ASB7: variants seen among roughly 807,000 people sequenced by gnomAD.
ASB7 encodes the protein ankyrin repeat and SOCS box protein 7.
In ASB7, 4 loss-of-function variants were observed where a neutral mutation model predicts 32.5. The observed-to-expected ratio is 0.12, with a 90% CI of 0.06 to 0.28. ASB7 has a LOEUF of 0.28. Ranked by LOEUF, ASB7 falls within the 10% of genes least tolerant of loss-of-function variation. ASB7 has a pLI of 1.00. For missense variants in ASB7, 181 were observed against 407.1 expected, an observed-to-expected ratio of 0.44 and a Z score of 4.78; for synonymous variants, 172 against 155.6, an observed-to-expected ratio of 1.11 and a Z score of -0.78.
At chr15:100,646,480 C>T in intron 5 of ASB7, 1 of 464,330 alleles carries the variant, frequency 2.2e-6, no homozygotes, top group Non-Finnish European at 4.4e-6. Flanking sequence ...CAGAAACTGA[C>T]CCTTAATAAG....
chr15:100,637,197 C>T (rs958041803), intron 5 of ASB7, among the ~76,000 whole-genome samples: 7 of 152,196 alleles, frequency 4.6e-5, no homozygotes, highest in Admixed American at 1.3e-4. Context: ...TTGAGCTGAG[C>T]CGGCAGCTTT....
In ASB7 at chr15:100,650,581, C is replaced by T. The variant is rs991635641; in HGVS notation, c.*2119C>T. On this transcript the variant is annotated 3_prime_UTR_variant, in exon 6 of 6. Transcript: ENST00000332783. ...GTTTCAAAAGATTTTCTCTCCCCAGCCATTCAGAGGTTTCCAAACTAAGCC... is the reference window on the plus strand; with the variant it reads ...GTTTCAAAAGATTTTCTCTCCCCAGTCATTCAGAGGTTTCCAAACTAAGCC... 1 of 152,164 alleles carries T rather than the reference C, an allele frequency of 6.6e-6. No individual in the cohort carries two copies. Among genetic ancestry groups the T allele is most frequent in the African/African-American group, 2.4e-5 (1 of 41,436 alleles). The allele number at this position is 152,164 out of a possible 1,614,324, so 9.4% of individuals were successfully genotyped here.
rs116625597 is a variant in ASB7, at chr15:100,624,663, A to G, written c.212-4774A>G. 4.2e-3 allele frequency among the ~76,000 whole-genome samples: 636 copies of G among 152,320 alleles called. 2 individuals are homozygous for G. Among genetic ancestry groups the G allele is most frequent in the African/African-American group, 0.014 (573 of 41,576 alleles). ...TCATAACTAAAACTTTTCACTGAGAAGACTTTAGGTCCAGCTGGCTTCTCA... is the reference window on the plus strand; with the variant it reads ...TCATAACTAAAACTTTTCACTGAGAGGACTTTAGGTCCAGCTGGCTTCTCA... On this transcript the variant is annotated intron_variant, in intron 4 of 5. Coordinates refer to ENST00000332783, the MANE Select transcript of ASB7 (RefSeq NM_198243.3).
chr15:100,627,564 T>C (rs146429956), intron 4 of ASB7, among the ~76,000 whole-genome samples: 148 of 152,388 alleles, frequency 9.7e-4, no homozygotes, highest in African/African-American at 3.4e-3. Flanking sequence ...TGTTAATCTC[T>C]GTTTTTCCTT....
intron 4 of ASB7, among the ~76,000 whole-genome samples, chr15:100,616,057 A>G (rs2039740297): frequency 6.6e-6 from 1 of 152,230 alleles, no homozygotes; most frequent in Non-Finnish European, 1.5e-5. Flanking sequence ...AGAGATTGTC[A>G]TCATTTTATG....
intron 5 of ASB7, among the ~76,000 whole-genome samples, chr15:100,637,793 C>T (rs1363950310): frequency 3.9e-5 from 6 of 152,170 alleles, no homozygotes; most frequent in Non-Finnish European, 7.3e-5. Flanking sequence ...GCTGGATTTT[C>T]TTCAGGTGCT....
chr15:100,613,379 A>T (rs1007944180), intron 4 of ASB7, among the ~76,000 whole-genome samples: 1 of 152,262 alleles, frequency 6.6e-6, no homozygotes. Flanking sequence ...ACAAAGGCTA[A>T]CAGGATGGAC....
At chr15:100,635,638 C>T (rs1206236096) in intron 5 of ASB7, among the ~76,000 whole-genome samples, 1 of 152,246 alleles carries the variant, frequency 6.6e-6, no homozygotes, top group Non-Finnish European at 1.5e-5. Flanking sequence ...TCTCGGCTTT[C>T]ATCCTCTGTT....
Position 100,651,023 on chromosome 15 carries a change from A to G in ASB7, c.*2561A>G, listed in dbSNP as rs1369061196. 6.6e-6 allele frequency: 1 copy of G among 152,242 alleles called. No homozygotes were observed. The highest frequency in any genetic ancestry group is 1.5e-5 in the Non-Finnish European group (1 of 68,034). The allele number at this position is 152,242 out of a possible 1,614,324, so 9.4% of individuals were successfully genotyped here. ...TCCAGAAACAGAACAGAAAATGTTC[A>G]GAATATTTTCAAATTTGTCAGATTC... is the stretch of plus-strand genomic sequence containing the variant. On this transcript the variant is annotated 3_prime_UTR_variant, in exon 6 of 6. Transcript: ENST00000332783.
chr15:100,616,419 T>G (rs935609404), intron 4 of ASB7, among the ~76,000 whole-genome samples: 1 of 152,216 alleles, frequency 6.6e-6, no homozygotes, highest in African/African-American at 2.4e-5. Flanking sequence ...GTTTAGGAAG[T>G]ATACTGCAGG....
intron 5 of ASB7, among the ~76,000 whole-genome samples, chr15:100,643,109 G>A (rs559618492): frequency 7.2e-5 from 11 of 152,210 alleles, no homozygotes; most frequent in Admixed American, 3.3e-4. Context: ...GCAGTTGGCC[G>A]GGAGCTCAGC....
chr15:100,618,390 C>T (rs1044663535), intron 4 of ASB7, among the ~76,000 whole-genome samples: 2 of 152,268 alleles, frequency 1.3e-5, no homozygotes, highest in Non-Finnish European at 2.9e-5. Flanking sequence ...GCTGGAATTA[C>T]AGGCATGAGC....
intron 5 of ASB7, among the ~76,000 whole-genome samples, chr15:100,634,371 G>T (rs2039906912): frequency 6.6e-6 from 1 of 152,204 alleles, no homozygotes; most frequent in South Asian, 2.1e-4. Context: ...CTGCAATTTT[G>T]TTCAAAGAGA....
At chr15:100,640,732 TA>T (rs2039955409) in intron 5 of ASB7, among the ~76,000 whole-genome samples, 1 of 152,182 alleles carries the variant, frequency 6.6e-6, no homozygotes. Context: ...TTTAAACAAA[TA>T]AGTTGATCCT....
intron 5 of ASB7, among the ~76,000 whole-genome samples, chr15:100,642,126 TCTAGAGCATTTCAACATATTGA>T (rs1022406755): frequency 1.3e-5 from 2 of 152,204 alleles, no homozygotes; most frequent in African/African-American, 2.4e-5. Context: ...GAAAAATTAG[TCTAGAGCATTTCAACATATTGA>T]CTAGAGCATT....
At chr15:100,637,335 A>G (rs558207854) in intron 5 of ASB7, among the ~76,000 whole-genome samples, 1 of 152,372 alleles carries the variant, frequency 6.6e-6, no homozygotes, top group African/African-American at 2.4e-5. Flanking sequence ...AACAACTGAC[A>G]GGACTTAGGG....
intron 5 of ASB7, among the ~76,000 whole-genome samples, chr15:100,640,231 G>T (rs2039951667): frequency 6.6e-6 from 1 of 151,954 alleles, no homozygotes; most frequent in Admixed American, 6.6e-5. Context: ...TGCAACCTCT[G>T]CCTACAAGGC....
chr15:100,607,702 C>A (rs1273081088), intron 2 of ASB7, among the ~76,000 whole-genome samples: 5 of 152,156 alleles, frequency 3.3e-5, no homozygotes, highest in African/African-American at 1.2e-4. Context: ...TATTGGAATA[C>A]CACCTGGAGG....
chr15:100,629,552 C>T lies in ASB7; in HGVS notation c.327C>T (p.Ile109=), dbSNP rs372767780. ...TAGAATCTGAATACAGGAGCGACATCATTAATGCAAAAAGCAATGACGGCT... is the reference window on the plus strand; with the variant it reads ...TAGAATCTGAATACAGGAGCGACATTATTAATGCAAAAAGCAATGACGGCT... ...LMLESEYRSD[I]INAKSNDGWT... Residue 109 remains isoleucine, a synonymous_variant, in exon 5 of 6, where the codon ATC becomes ATT. Transcript: ENST00000332783. This position sits in a 1 kb window ranked among gnomAD's most constrained non-coding sequence, Gnocchi z 6.8. 60 of 1,614,078 alleles carry T rather than the reference C, an allele frequency of 3.7e-5. No homozygotes were observed. Among genetic ancestry groups the T allele is most frequent in the Middle Eastern group, 1.6e-4 (1 of 6,084 alleles).
Sources: gnomAD v4.1 joint callset for allele counts (sites outside exome capture counted in the v4.1 genomes callset) on GRCh38, gnomAD v4.1.1 for gene constraint, Gnocchi (gnomAD v3.1) non-coding constraint, MANE v1.5 for transcripts, NCBI Gene and HGNC (gene_info 2026-07-23, HGNC 2026-07-21) for gene names.